Variants in GNB3 observed in about 807,000 individuals in gnomAD.
GNB3 encodes the protein G protein subunit beta 3, also known as guanine nucleotide-binding protein G(I)/G(S)/G(T) subunit beta-3.
Under a neutral mutation model 41.2 loss-of-function variants are expected in GNB3, and 33 were observed. The observed-to-expected ratio is 0.80, with a 90% CI of 0.61 to 1.07. GNB3 has a LOEUF of 1.07. Ranked by LOEUF, GNB3 falls within the 50% of genes least tolerant of loss-of-function variation. The pLI is 0.00. For synonymous variants in GNB3, 172 were observed against 173.4 expected, an observed-to-expected ratio of 0.99 and a Z score of 0.06; for missense variants, 409 against 455.3, an observed-to-expected ratio of 0.90 and a Z score of 0.92.
chr12:6,841,558 G>T, intron 2 of GNB3, 28 bp from the exon 3 acceptor site: 1 of 1,606,968 alleles, frequency 6.2e-7, no homozygotes, highest in Non-Finnish European at 8.5e-7. Flanking sequence ...CCTCGCCCTT[G>T]CTCCCCTGAT....
chr12:6,841,453 G>A, intron 2 of GNB3, 109 bp downstream of exon 2: 1 of 1,197,240 alleles, frequency 8.4e-7, no homozygotes. Context: ...GAAGTGACCA[G>A]GGACTTTCTA....
chr12:6,845,837 G>A, intron 9 of GNB3, 35 bp downstream of exon 9: 1 of 1,474,818 alleles, frequency 6.8e-7, no homozygotes, highest in Middle Eastern at 1.7e-4. Context: ...TTCCTCAGCT[G>A]GAAGGACCCT....
chr12:6,844,362 A>G (rs1555124128), intron 8 of GNB3, among the ~76,000 whole-genome samples: 1 of 151,470 alleles, frequency 6.6e-6, no homozygotes, highest in Non-Finnish European at 1.5e-5. Context: ...TCAGCTTCCC[A>G]GAGTGCAGTG....
intron 3 of GNB3, 61 bp from the exon 4 acceptor site, chr12:6,842,909 G>T (rs939305645): frequency 2.7e-6 from 3 of 1,092,434 alleles, no homozygotes; most frequent in Non-Finnish European, 2.7e-6. Flanking sequence ...ATCAGTGGCA[G>T]TGACAGACAT....
rs1051398396 is a variant in GNB3 at position 6,841,002 on chromosome 12, G to A, written c.-62G>A. ...AAGGAGGCTCCCAGGAACCGGAGCTGGAAACCCGGCCGAGGTCCAGCCAGA... is the reference window on the plus strand; with the variant it reads ...AAGGAGGCTCCCAGGAACCGGAGCTAGAAACCCGGCCGAGGTCCAGCCAGA... On this transcript the variant is annotated 5_prime_UTR_variant, in exon 1 of 10. Coordinates refer to ENST00000229264, the MANE Select transcript of GNB3 (RefSeq NM_002075.4). The A allele has an allele frequency of 3.4e-5, 17 of 500,584 alleles. No individual in the cohort carries two copies. Among genetic ancestry groups the A allele is most frequent in the African/African-American group, 2.0e-5 (1 of 49,824 alleles). 31.0% of individuals were successfully genotyped at this position (500,584 alleles called of 1,614,324 possible).
At chr12:6,842,913 C>A in intron 3 of GNB3, 57 bp from the exon 4 acceptor site, 1 of 1,137,378 alleles carries the variant, frequency 8.8e-7, no homozygotes, top group Non-Finnish European at 1.3e-6. Flanking sequence ...GTGGCAGTGA[C>A]AGACATCTGG....
chr12:6,842,268 G>C (rs1437673010), intron 3 of GNB3, among the ~76,000 whole-genome samples: 3 of 152,170 alleles, frequency 2.0e-5, no homozygotes, highest in African/African-American at 7.2e-5. Flanking sequence ...AACAAAGCAG[G>C]CCGGGCGCAG....
At chr12:6,842,885 G>A (rs1217258727) in intron 3 of GNB3, 85 bp from the exon 4 acceptor site, 11 of 849,356 alleles carry the variant, frequency 1.3e-5, no homozygotes, top group South Asian at 5.4e-5. Flanking sequence ...GGCACAGAGC[G>A]GGAACTTGTA....
Position 6,841,411 on chromosome 12 carries a change from G to T in GNB3, c.57+67G>T, listed in dbSNP as rs1943571334. On this transcript the variant is annotated intron_variant, in intron 2 of 9. Transcript: ENST00000229264. ...GGGGACATGAGGAGCGTGGCCCAGG[G>T]GGAGGGGGCTGGGTTTGCTCTTGAG... is the stretch of plus-strand genomic sequence containing the variant. The T allele has an allele frequency of 2.8e-6, 4 of 1,434,750 alleles. No individual in the cohort carries two copies. The East Asian group carries it at 9.4e-5, about 34-fold the overall frequency. 88.9% of individuals were successfully genotyped at this position (1,434,750 alleles called of 1,614,324 possible). A position where few individuals can be genotyped will look rare whatever the true frequency, so the allele number is the denominator to read the frequency against.
In GNB3 at chr12:6,841,356, G is replaced by A. The variant is rs1555123328; in HGVS notation, c.57+12G>A. 1.9e-6 allele frequency: 3 copies of A among 1,611,488 alleles called. No homozygotes were observed. Among genetic ancestry groups the A allele is most frequent in the South Asian group, 1.1e-5 (1 of 90,548 alleles). ...AGAAGCAGATTGCAGTAACTCCAGAGCCCTACCCCTGGGGCCCCAGAAAAC... is the reference window on the plus strand; with the variant it reads ...AGAAGCAGATTGCAGTAACTCCAGAACCCTACCCCTGGGGCCCCAGAAAAC... On this transcript the variant is annotated intron_variant, in intron 2 of 9. Coordinates refer to ENST00000229264, the MANE Select transcript of GNB3 (RefSeq NM_002075.4).
chr12:6,846,662 C>G (rs918704648), intron 9 of GNB3, 130 bp from the exon 10 acceptor site: 1 of 628,734 alleles, frequency 1.6e-6, no homozygotes, highest in East Asian at 2.8e-5. Context: ...CATACACATG[C>G]ACACATATCC....
chr12:6,841,647 A>G, intron 3 of GNB3, 23 bp downstream of exon 3: 1 of 1,596,944 alleles, frequency 6.3e-7, no homozygotes, highest in Non-Finnish European at 8.6e-7. Context: ...GTCCCCCGGA[A>G]GGCAGGGCAT....
chr12:6,847,023 G>C lies in GNB3; in HGVS notation c.*125G>C. On this transcript the variant is annotated 3_prime_UTR_variant, in exon 10 of 10. Transcript: ENST00000229264. ...ATTCCCACTAAGCTTTCTCCTTTGA[G>C]GGCAGTGGGGAGCATGGGACTGTGC... 1.5e-6 allele frequency: 1 copy of C among 647,840 alleles called. No homozygotes were observed. Among genetic ancestry groups the C allele is most frequent in the East Asian group, 2.7e-5 (1 of 36,400 alleles). 40.1% of individuals were successfully genotyped at this position (647,840 alleles called of 1,614,324 possible). A position where few individuals can be genotyped will look rare whatever the true frequency, so the allele number is the denominator to read the frequency against.
rs28395781 is a variant in GNB3 at position 6,841,239 on chromosome 12, G to A, written c.-30-19G>A. ...GCCTGGTGGGGGGTTCCTCAACACC[G>A]ACCCCATGTTCCTGGCAGGAGCCAG... is the stretch of plus-strand genomic sequence containing the variant. On this transcript the variant is annotated intron_variant, in intron 1 of 9. Coordinates refer to ENST00000229264, the MANE Select transcript of GNB3 (RefSeq NM_002075.4). 0.068 allele frequency: 103,421 copies of A among 1,512,448 alleles called. 4,045 individuals are homozygous for A. Among genetic ancestry groups the A allele is most frequent in the Non-Finnish European group, 0.079 (86,555 of 1,101,152 alleles). The allele number at this position is 1,512,448 out of a possible 1,614,324, so 93.7% of individuals were successfully genotyped here. A position where few individuals can be genotyped will look rare whatever the true frequency, so the allele number is the denominator to read the frequency against.
At chr12:6,844,093 ATTTTTTTTTT>A (rs34871066) in intron 8 of GNB3, 115 bp downstream of exon 8, 28 of 258,152 alleles carry the variant, frequency 1.1e-4, no homozygotes, top group East Asian at 5.5e-4. Flanking sequence ...TTCTTACTGT[ATTTTTTTTTT>A]TTTTTTTTTT....
At chr12:6,842,735 C>G (rs782683141) in intron 3 of GNB3, among the ~76,000 whole-genome samples, 1 of 152,222 alleles carries the variant, frequency 6.6e-6, no homozygotes, top group African/African-American at 2.4e-5. Context: ...CCACCTTCCT[C>G]ACCAACACTG....
At chr12:6,846,730 T>C (rs1943712523) in intron 9 of GNB3, 62 bp from the exon 10 acceptor site, 3 of 909,472 alleles carry the variant, frequency 3.3e-6, no homozygotes, top group Non-Finnish European at 5.3e-6. Flanking sequence ...CTTACACGCA[T>C]GCACACACTG....
At position 6,843,765 on chromosome 12, in the gene GNB3, C is replaced by G. The variant is rs782199199; in HGVS notation, c.498-12C>G. 1 of 1,613,522 alleles carries G rather than the reference C, an allele frequency of 6.2e-7. No individual in the cohort carries two copies. The highest frequency in any genetic ancestry group is 8.5e-7 in the Non-Finnish European group (1 of 1,179,388). On this transcript the variant is annotated splice_polypyrimidine_tract_variant and intron_variant, in intron 7 of 9. Coordinates refer to ENST00000229264, the MANE Select transcript of GNB3 (RefSeq NM_002075.4). The surrounding 1 kb of genome is among the most constrained non-coding windows in gnomAD (Gnocchi z 5.9). Reference sequence around the variant, plus strand: ...CCGGCCTTTCTCTAACAGTCTCCCTCCATTTTGGCAGTGCCTTGTGGGACA... The same window carrying G: ...CCGGCCTTTCTCTAACAGTCTCCCTGCATTTTGGCAGTGCCTTGTGGGACA...
rs555948527 is a variant in GNB3, at chr12:6,840,995, C to T, written c.-69C>T. The T allele has an allele frequency of 2.4e-5, 12 of 491,582 alleles. No individual in the cohort carries two copies. Among genetic ancestry groups the T allele is most frequent in the African/African-American group, 8.1e-5 (4 of 49,530 alleles). The allele number at this position is 491,582 out of a possible 1,614,324, so 30.5% of individuals were successfully genotyped here. A position where few individuals can be genotyped will look rare whatever the true frequency, so the allele number is the denominator to read the frequency against. ...AGGGAGTAAGGAGGCTCCCAGGAAC[C>T]GGAGCTGGAAACCCGGCCGAGGTCC... On this transcript the variant is annotated 5_prime_UTR_variant, in exon 1 of 10. Transcript: ENST00000229264.
Sources: gnomAD v4.1 joint callset for allele counts (sites outside exome capture counted in the v4.1 genomes callset) on GRCh38, gnomAD v4.1.1 for gene constraint, Gnocchi (gnomAD v3.1) non-coding constraint, MANE v1.5 for transcripts, NCBI Gene and HGNC (gene_info 2026-07-23, HGNC 2026-07-21) for gene names.